FAM185A: variants seen among roughly 807,000 people sequenced by gnomAD.
FAM185A encodes the protein family with sequence similarity 185 member A, also known as protein FAM185A.
FAM185A carries 21 observed loss-of-function variants against 45.7 expected under a neutral mutation model. The ratio of observed to expected loss-of-function variants is 0.46; its 90% CI spans 0.33 to 0.66. The LOEUF (loss-of-function observed/expected upper bound fraction) is 0.66. Among genes scored for constraint, FAM185A ranks in the 30% least tolerant of loss-of-function variants. The pLI is 0.03. For missense variants in FAM185A, 305 were observed against 485.4 expected (o/e 0.63, Z 3.49); for synonymous variants, 117 against 194.0 (o/e 0.60, Z 3.30).
chr7:102,829,491 T>G, the FAM185A span, among the ~76,000 whole-genome samples: 3 of 152,272 alleles, frequency 2.0e-5, no homozygotes, highest in East Asian at 5.8e-4. Flanking sequence ...TTTTTCTCAT[T>G]TCCCACCCCC....
chr7:102,847,815 T>A, the FAM185A span, among the ~76,000 whole-genome samples: 1 of 152,030 alleles, frequency 6.6e-6, no homozygotes, highest in Admixed American at 6.6e-5. Flanking sequence ...AGGTGTGAAC[T>A]ACTGCACCCA....
chr7:102,822,583 G>A, the FAM185A span: 1 of 386,960 alleles, frequency 2.6e-6, no homozygotes, highest in Admixed American at 3.4e-5. Flanking sequence ...GTCACAGTGG[G>A]AGTTAGGGTT....
At chr7:102,849,346 G>A in the FAM185A span, among the ~76,000 whole-genome samples, 2 of 152,160 alleles carry the variant, frequency 1.3e-5, no homozygotes, top group Non-Finnish European at 2.9e-5. Context: ...ATACATCTGA[G>A]GCTCCAGACA....
At chr7:102,826,770 T>TATAC in the FAM185A span, among the ~76,000 whole-genome samples, 14 of 98,978 alleles carry the variant, frequency 1.4e-4, 1 homozygote, top group African/African-American at 5.6e-4. Context: ...TATATATATA[T>TATAC]ATGTATATAT....
At chr7:102,759,444 T>G (rs1793978180) in intron 3 of FAM185A, among the ~76,000 whole-genome samples, 1 of 152,124 alleles carries the variant, frequency 6.6e-6, no homozygotes, top group African/African-American at 2.4e-5. Flanking sequence ...TTCCTATTTT[T>G]ATTACATATA....
the FAM185A span, among the ~76,000 whole-genome samples, chr7:102,834,081 GAAAGAA>G: frequency 3.5e-5 from 3 of 84,920 alleles, no homozygotes; most frequent in African/African-American, 1.2e-4. Flanking sequence ...AGGAAGGAAG[GAAAGAA>G]AAGAAAGAAA....
intron 4 of FAM185A, 79 bp downstream of exon 4, chr7:102,761,490 A>C: frequency 1.6e-6 from 2 of 1,255,914 alleles, no homozygotes; most frequent in South Asian, 4.9e-5. Flanking sequence ...AGTTGAAAAA[A>C]GGATCAGGAA....
At chr7:102,791,061 A>G (rs1448125692) in intron 7 of FAM185A, among the ~76,000 whole-genome samples, 1 of 152,248 alleles carries the variant, frequency 6.6e-6, no homozygotes, top group Non-Finnish European at 1.5e-5. Context: ...AAGTGAGAGA[A>G]GTCAAATATG....
At chr7:102,757,158 GC>G (rs1793799379) in intron 2 of FAM185A, among the ~76,000 whole-genome samples, 1 of 150,830 alleles carries the variant, frequency 6.6e-6, no homozygotes, top group African/African-American at 2.4e-5. Context: ...GTGCTCGGAG[GC>G]ATTTTTACTT....
the FAM185A span, among the ~76,000 whole-genome samples, chr7:102,839,933 T>G: frequency 6.6e-6 from 1 of 152,146 alleles, no homozygotes; most frequent in Non-Finnish European, 1.5e-5. Flanking sequence ...AAAAATTGTG[T>G]TGTTCATTTG....
chr7:102,845,693 T>C, the FAM185A span, among the ~76,000 whole-genome samples: 1 of 152,202 alleles, frequency 6.6e-6, no homozygotes, highest in Non-Finnish European at 1.5e-5. Flanking sequence ...TCCCTGTTAC[T>C]TCCCTTGTTC....
chr7:102,781,597 CCTGA>C (rs1158436560), intron 6 of FAM185A, among the ~76,000 whole-genome samples: 1 of 152,218 alleles, frequency 6.6e-6, no homozygotes, highest in East Asian at 1.9e-4. Context: ...AGCTGAGGGT[CCTGA>C]CTGTTAGAAG....
the FAM185A span, chr7:102,816,343 A>T: frequency 6.6e-6 from 1 of 152,376 alleles, no homozygotes; most frequent in Admixed American, 6.5e-5. Flanking sequence ...GAAAAACAGA[A>T]AATATGAATC....
At chr7:102,751,300 G>A (rs1793347422) in intron 1 of FAM185A, among the ~76,000 whole-genome samples, 2 of 152,152 alleles carry the variant, frequency 1.3e-5, no homozygotes, top group South Asian at 4.1e-4. Flanking sequence ...CTGTGATATA[G>A]TTGCATGGTA....
chr7:102,835,376 C>T, the FAM185A span, among the ~76,000 whole-genome samples: 14 of 152,280 alleles, frequency 9.2e-5, no homozygotes, highest in East Asian at 2.5e-3. Context: ...TTATTGGAAT[C>T]AGTGGCCTGG....
downstream of FAM185A, chr7:102,813,197 A>G: frequency 1.3e-6 from 1 of 758,368 alleles, no homozygotes; most frequent in Non-Finnish European, 2.1e-6. Flanking sequence ...GTGTTTGGAA[A>G]TATTTGTAGT....
At chr7:102,826,723 T>TCTCATA in the FAM185A span, among the ~76,000 whole-genome samples, 1 of 50,660 alleles carries the variant, frequency 2.0e-5, no homozygotes, top group African/African-American at 6.7e-5. Context: ...AGACCCTGTC[T>TCTCATA]CATATATATA....
At chr7:102,821,738 T>G in the FAM185A span, among the ~76,000 whole-genome samples, 7 of 152,132 alleles carry the variant, frequency 4.6e-5, no homozygotes, top group Non-Finnish European at 1.0e-4. Context: ...CTAGGGGAGA[T>G]TAACTGAATG....
the FAM185A span, among the ~76,000 whole-genome samples, chr7:102,831,655 C>T: frequency 4.6e-5 from 7 of 152,122 alleles, no homozygotes; most frequent in Non-Finnish European, 1.0e-4. Context: ...CAAAGGTACA[C>T]GGTGCTCCCA....
Sources: allele counts gnomAD v4.1 joint callset (sites outside exome capture counted in the v4.1 genomes callset), GRCh38; gene constraint gnomAD v4.1.1; transcripts MANE v1.5; gene names NCBI Gene and HGNC (gene_info 2026-07-23, HGNC 2026-07-21).